ANKAR: variants seen among roughly 807,000 people sequenced by gnomAD.
ANKAR encodes ankyrin and armadillo repeat-containing protein.
ANKAR carries 136 observed loss-of-function variants against 146.2 expected under a neutral mutation model. The observed-to-expected ratio is 0.93, with a 90% confidence interval of 0.81 to 1.07. The LOEUF is 1.07. Ranked by LOEUF, ANKAR falls within the 50% of genes least tolerant of loss-of-function variation. The probability of loss-of-function intolerance (pLI) is 0.00; values close to 1 mark genes in which losing one functional copy is unlikely to be tolerated. For synonymous variants in ANKAR, 500 were observed against 575.8 expected (o/e 0.87, Z 1.88); for missense variants, 1,567 against 1,679.9 (o/e 0.93, Z 1.18).
In ANKAR at chr2:189,720,763, A is replaced by G; in HGVS notation, c.2611A>G (p.Ile871Val). ...VREHKGLPYL[I>V]RFLSSDSDVL... ...AGAACATAAAGGCCTCCCATATCTT[A>G]TCAGATTTCTGAGTTCTGATTCAGG... Residue 871 changes from isoleucine to valine, a missense_variant, in exon 12 of 23, where the codon ATC becomes GTC. Coordinates refer to ENST00000684021, the MANE Select transcript of ANKAR (RefSeq NM_001378068.1). The G allele has an allele frequency of 6.7e-7, 1 of 1,500,270 alleles. No individual in the cohort carries two copies. The highest frequency in any genetic ancestry group is 1.4e-5 in the South Asian group (1 of 69,958). The allele number at this position is 1,500,270 out of a possible 1,614,324, so 92.9% of individuals were successfully genotyped here.
intron 7 of ANKAR, 41 bp from the exon 8 acceptor site, chr2:189,704,982 G>T (rs1447746311): frequency 6.3e-7 from 1 of 1,580,688 alleles, no homozygotes; most frequent in East Asian, 2.2e-5. Context: ...TTTAGGAATG[G>T]TAGTGCTGTG....
At chr2:189,709,637 A>G (rs2039428140) in intron 9 of ANKAR, among the ~76,000 whole-genome samples, 2 of 152,246 alleles carry the variant, frequency 1.3e-5, no homozygotes, top group Admixed American at 1.3e-4. Flanking sequence ...AAGATTTTCA[A>G]CCCCATTCTA....
chr2:189,689,251 A>G (rs1262021007), intron 2 of ANKAR, among the ~76,000 whole-genome samples: 3 of 152,098 alleles, frequency 2.0e-5, no homozygotes, highest in Non-Finnish European at 4.4e-5. Flanking sequence ...CCACAAAAGG[A>G]AAGGGGTATA....
chr2:189,758,865 G>A (rs1360860915), intron 18 of ANKAR, among the ~76,000 whole-genome samples: 1 of 152,190 alleles, frequency 6.6e-6, no homozygotes, highest in Non-Finnish European at 1.5e-5. Context: ...GAATAAATAG[G>A]ATGGGAGTAC....
Position 189,692,432 on chromosome 2 carries a change from T to C in ANKAR, c.1203+14T>C, listed in dbSNP as rs1211247384. 1 of 1,590,642 alleles carries C rather than the reference T, an allele frequency of 6.3e-7. No homozygotes were observed. The highest frequency in any genetic ancestry group is 1.4e-5 in the African/African-American group (1 of 73,406). On this transcript the variant is annotated intron_variant, in intron 4 of 22. Transcript: ENST00000684021. ...GAAGATTTTCAGGTTTAAATGATCATTCCTTAGACAATTTATCATTTCACA... is the reference window on the plus strand; with the variant it reads ...GAAGATTTTCAGGTTTAAATGATCACTCCTTAGACAATTTATCATTTCACA...
chr2:189,728,874 T>G, intron 15 of ANKAR, 53 bp downstream of exon 15: 1 of 1,525,168 alleles, frequency 6.6e-7, no homozygotes, highest in Non-Finnish European at 8.9e-7. Context: ...AAGAACAGAT[T>G]GCGCAGAGAA....
At chr2:189,685,341 T>C (rs2035412328) in intron 2 of ANKAR, among the ~76,000 whole-genome samples, 1 of 152,112 alleles carries the variant, frequency 6.6e-6, no homozygotes, top group Non-Finnish European at 1.5e-5. Context: ...CTTCTCCATG[T>C]ACTTACTACT....
intron 18 of ANKAR, chr2:189,755,380 C>A: frequency 6.2e-7 from 1 of 1,613,268 alleles, no homozygotes; most frequent in Non-Finnish European, 8.5e-7. Context: ...ACTGTCCTAC[C>A]AGCTGTAAGC....
rs1272605251 is a variant in ANKAR at position 189,737,714 on chromosome 2, C to A, written c.3455C>A (p.Thr1152Lys). Residue 1152 changes from threonine to lysine, a missense_variant, in exon 18 of 23, where the codon ACA (threonine) becomes AAA (lysine). Physicochemically the swap from Thr to Lys is moderately conservative, Grantham distance 78. Coordinates refer to ENST00000684021, the MANE Select transcript of ANKAR (RefSeq NM_001378068.1). ...DICLRAGYAL[T>K]LFAFNNRFQQ... The stretch of plus-strand genomic sequence containing the variant: ...TGCTTAAGAGCAGGCTATGCATTAA[C>A]ACTTTTTGCCTTCAATAATCGCTTT... The A allele has an allele frequency of 1.9e-6, 3 of 1,598,066 alleles. No homozygotes were observed. The African/African-American group carries it at 4.1e-5, about 22-fold the overall frequency.
chr2:189,758,373 C>G (rs891352524), intron 18 of ANKAR, among the ~76,000 whole-genome samples: 5 of 151,818 alleles, frequency 3.3e-5, no homozygotes, highest in Non-Finnish European at 7.4e-5. Flanking sequence ...AAGAGCAAAA[C>G]TCCATCTCAA....
intron 8 of ANKAR, 105 bp from the exon 9 acceptor site, chr2:189,706,833 G>A (rs1157715156): frequency 5.5e-6 from 4 of 732,376 alleles, no homozygotes; most frequent in Non-Finnish European, 8.8e-6. Flanking sequence ...AGAATAGAAG[G>A]TGGTGGTGTA....
downstream of ANKAR, chr2:189,761,604 T>TA (rs750679212): frequency 1.8e-5 from 29 of 1,605,272 alleles, no homozygotes; most frequent in Middle Eastern, 1.9e-4. Flanking sequence ...TTTGATGGTT[T>TA]AAAAAAAACT....
chr2:189,679,495 C>G (rs1037909587), intron 2 of ANKAR, among the ~76,000 whole-genome samples: 1 of 152,110 alleles, frequency 6.6e-6, no homozygotes, highest in African/African-American at 2.4e-5. Flanking sequence ...ACTTCCAGTA[C>G]TATGTTGAAT....
At chr2:189,761,905 G>A (rs2047119874), downstream of ANKAR, among the ~76,000 whole-genome samples, 1 of 152,078 alleles carries the variant, frequency 6.6e-6, no homozygotes. Flanking sequence ...CCTACCAAAA[G>A]ACTTACTATT....
At chr2:189,730,454 G>A in intron 15 of ANKAR, 41 bp from the exon 16 acceptor site, 1 of 1,297,934 alleles carries the variant, frequency 7.7e-7, no homozygotes. Flanking sequence ...CCATTTGTAA[G>A]ATGGAAAAAA....
At chr2:189,743,852 C>T (rs569032858) in intron 21 of ANKAR, among the ~76,000 whole-genome samples, 6 of 152,246 alleles carry the variant, frequency 3.9e-5, no homozygotes, top group African/African-American at 9.6e-5. Flanking sequence ...ATGGGTTTTC[C>T]GGACCAGATC....
chr2:189,697,772 T>C (rs2037435919), intron 7 of ANKAR, among the ~76,000 whole-genome samples: 1 of 152,032 alleles, frequency 6.6e-6, no homozygotes, highest in Admixed American at 6.6e-5. Context: ...AGGTAGATTT[T>C]GAAGTGTGGA....
intron 10 of ANKAR, among the ~76,000 whole-genome samples, chr2:189,718,090 A>AAAAAT (rs1553521074): frequency 6.6e-6 from 1 of 152,030 alleles, no homozygotes; most frequent in Admixed American, 6.6e-5. Flanking sequence ...GTATAATAAA[A>AAAAAT]AAATAAAATA....
intron 11 of ANKAR, 77 bp downstream of exon 11, chr2:189,719,890 C>T (rs529469715): frequency 1.3e-5 from 17 of 1,356,116 alleles, no homozygotes; most frequent in East Asian, 2.4e-5. Context: ...TAGAAACCCA[C>T]GTTACTATTC....
Sources: gnomAD v4.1 joint callset for allele counts (sites outside exome capture counted in the v4.1 genomes callset) on GRCh38, gnomAD v4.1.1 for gene constraint, MANE v1.5 for transcripts, NCBI Gene and HGNC (gene_info 2026-07-23, HGNC 2026-07-21) for gene names.